Variants in NAV3 observed in about 807,000 individuals in gnomAD.
NAV3 encodes pore membrane and/or filament interacting like protein 1.
In NAV3, 87 loss-of-function variants were observed where a neutral mutation model predicts 244.7. The ratio of observed to expected loss-of-function variants is 0.36; its 90% CI spans 0.30 to 0.42. The LOEUF (loss-of-function observed/expected upper bound fraction) is 0.42. NAV3 is among the 20% of genes least tolerant of loss of function. The pLI is 1.00. For synonymous variants in NAV3, 1,126 were observed against 1,042.2 expected (o/e 1.08, Z -1.55); for missense variants, 2,663 against 2,893.3 (o/e 0.92, Z 1.83).
At chr12:77,696,427 A>G (rs1875302838) in intron 2 of NAV3, among the ~76,000 whole-genome samples, 1 of 152,148 alleles carries the variant, frequency 6.6e-6, no homozygotes, top group African/African-American at 2.4e-5. Context: ...TCAGTCTAAC[A>G]GCCTACAAAT....
intron 23 of NAV3, among the ~76,000 whole-genome samples, chr12:78,162,801 G>T (rs1482601206): frequency 6.7e-6 from 1 of 148,652 alleles, no homozygotes; most frequent in Non-Finnish European, 1.5e-5. Context: ...GGTGGAGGTT[G>T]CAGTAAGCCG....
intron 11 of NAV3, among the ~76,000 whole-genome samples, chr12:78,057,733 A>G (rs894785244): frequency 6.6e-6 from 1 of 152,306 alleles, no homozygotes; most frequent in Middle Eastern, 3.4e-3. Flanking sequence ...AAGCAATTTA[A>G]ACATAGCTTG....
At chr12:77,854,585 G>A (rs1203251349) in intron 1 of NAV3, among the ~76,000 whole-genome samples, 4 of 46,100 alleles carry the variant, frequency 8.7e-5, no homozygotes, top group African/African-American at 1.6e-4. Flanking sequence ...GTGTATGTGT[G>A]TATGTGTGTG....
At chr12:77,680,374 G>A (rs1874397748) in intron 2 of NAV3, among the ~76,000 whole-genome samples, 1 of 151,944 alleles carries the variant, frequency 6.6e-6, no homozygotes, top group African/African-American at 2.4e-5. Context: ...CCCACACTTC[G>A]CCTAGGGGAA....
chr12:78,165,309 A>AAATTG, intron 23 of NAV3, among the ~76,000 whole-genome samples: 1 of 152,028 alleles, frequency 6.6e-6, no homozygotes, highest in Non-Finnish European at 1.5e-5. Flanking sequence ...TTGCAGAATT[A>AAATTG]TCCCAGCCTC....
chr12:77,749,231 A>T (rs1210737437), intron 2 of NAV3, among the ~76,000 whole-genome samples: 1 of 152,224 alleles, frequency 6.6e-6, no homozygotes, highest in Non-Finnish European at 1.5e-5. Flanking sequence ...ATGAGAACAG[A>T]GTCCAATGAA....
chr12:77,941,263 A>G, intron 3 of NAV3, 130 bp downstream of exon 3: 2 of 630,720 alleles, frequency 3.2e-6, no homozygotes, highest in Non-Finnish European at 5.4e-6. Flanking sequence ...CCATTCTCTC[A>G]TATGTATTTG....
chr12:77,916,072 T>G (rs1366423143), intron 1 of NAV3, among the ~76,000 whole-genome samples: 1 of 152,020 alleles, frequency 6.6e-6, no homozygotes, highest in Admixed American at 6.6e-5. Flanking sequence ...GACAGGCCAC[T>G]CTGAGATGGT....
At chr12:77,967,924 A>G (rs191904649) in intron 4 of NAV3, among the ~76,000 whole-genome samples, 1 of 152,274 alleles carries the variant, frequency 6.6e-6, no homozygotes, top group Admixed American at 6.5e-5. Context: ...TGGAAGATAT[A>G]CCTACACATA....
At chr12:78,077,304 T>C (rs1394170251) in intron 12 of NAV3, among the ~76,000 whole-genome samples, 1 of 152,230 alleles carries the variant, frequency 6.6e-6, no homozygotes, top group Non-Finnish European at 1.5e-5. Flanking sequence ...AGCTTGATTC[T>C]TATCTGGGCC....
intron 2 of NAV3, among the ~76,000 whole-genome samples, chr12:77,730,212 A>G (rs1384594451): frequency 1.3e-5 from 2 of 152,010 alleles, no homozygotes; most frequent in Non-Finnish European, 2.9e-5. Context: ...ATCAGGAATA[A>G]TAACTCAGAA....
intron 39 of NAV3, among the ~76,000 whole-genome samples, chr12:78,209,588 A>G (rs1375248757): frequency 6.6e-6 from 1 of 150,634 alleles, no homozygotes; most frequent in African/African-American, 2.4e-5. Context: ...GGAGCTCCAG[A>G]TCTATCAAAA....
In NAV3 at chr12:78,177,266, T is replaced by G; in HGVS notation, c.5250T>G (p.Ala1750=). 6.2e-7 allele frequency: 1 copy of G among 1,613,578 alleles called. No individual in the cohort carries two copies. The highest frequency in any genetic ancestry group is 8.5e-7 in the Non-Finnish European group (1 of 1,179,658). Residue 1750 remains alanine (A), a synonymous_variant, in exon 27 of 40, where the codon GCT becomes GCG. Coordinates refer to ENST00000397909, the MANE Select transcript of NAV3 (RefSeq NM_001024383.2). ...CATCCCCCAAGTTACCCCATAATGC[T>G]GGTGACTGTGGCTCAGCATCCATGA... is the stretch of plus-strand genomic sequence containing the variant. ...LPASPKLPHN[A]GDCGSASMKP...
At chr12:77,751,462 C>T (rs1439891172) in intron 2 of NAV3, among the ~76,000 whole-genome samples, 1 of 152,122 alleles carries the variant, frequency 6.6e-6, no homozygotes, top group Non-Finnish European at 1.5e-5. Flanking sequence ...GGCGGTTACC[C>T]TCATGCTGTT....
At chr12:77,839,914 A>C (rs1482550511) in intron 1 of NAV3, among the ~76,000 whole-genome samples, 8 of 152,046 alleles carry the variant, frequency 5.3e-5, no homozygotes, top group Non-Finnish European at 1.5e-5. Flanking sequence ...CTCTACTAAA[A>C]ATATAAAAAT....
chr12:77,826,710 T>A (rs1873042705), upstream of NAV3, among the ~76,000 whole-genome samples: 1 of 152,194 alleles, frequency 6.6e-6, no homozygotes. Flanking sequence ...TGATTTCATT[T>A]CTATGAAATT....
chr12:78,108,956 G>A (rs977838086), intron 12 of NAV3, among the ~76,000 whole-genome samples: 1 of 151,640 alleles, frequency 6.6e-6, no homozygotes, highest in Non-Finnish European at 1.5e-5. Context: ...CAATAATAAA[G>A]ATCAGAAAAG....
chr12:77,959,946 A>G lies in NAV3; in HGVS notation c.415-6283A>G, dbSNP rs573995802. 5.8e-4 allele frequency among the ~76,000 whole-genome samples: 87 copies of G among 150,852 alleles called. 1 individual carries two copies. The highest frequency in any genetic ancestry group is 3.4e-3 in the Middle Eastern group (1 of 294). The stretch of plus-strand genomic sequence containing the variant: ...AAAAAAAAAAAAAAAAAAAAGACCA[A>G]AAACTAAGTTTTGGACATATAGCAG... On this transcript the variant is annotated intron_variant, in intron 3 of 39. Coordinates refer to ENST00000397909, the MANE Select transcript of NAV3 (RefSeq NM_001024383.2).
intron 1 of NAV3, among the ~76,000 whole-genome samples, chr12:77,889,310 T>C (rs1288709819): frequency 6.6e-6 from 1 of 152,224 alleles, no homozygotes. Flanking sequence ...TCTTCTGTCC[T>C]GGGACTGCAG....
Sources: allele counts gnomAD v4.1 joint callset (sites outside exome capture counted in the v4.1 genomes callset), GRCh38; gene constraint gnomAD v4.1.1; transcripts MANE v1.5; gene names NCBI Gene and HGNC (gene_info 2026-07-23, HGNC 2026-07-21).